GUCY1A2: variants seen among roughly 807,000 people sequenced by gnomAD.
GUCY1A2 encodes guanylate cyclase soluble subunit alpha-2.
In GUCY1A2, 27 loss-of-function variants were observed where a neutral mutation model predicts 63.5. The ratio of observed to expected loss-of-function variants is 0.43; its 90% CI spans 0.31 to 0.59. The LOEUF is 0.59. GUCY1A2 is among the 20% of genes least tolerant of loss of function. The pLI, the probability that GUCY1A2 is intolerant of heterozygous loss-of-function variation, is 0.11. For synonymous variants in GUCY1A2, 364 were observed against 343.5 expected, an observed-to-expected ratio of 1.06 and a Z score of -0.66; for missense variants, 768 against 913.3, an observed-to-expected ratio of 0.84 and a Z score of 2.05.
chr11:106,785,197 C>A (rs940430617), intron 5 of GUCY1A2, among the ~76,000 whole-genome samples: 1 of 152,098 alleles, frequency 6.6e-6, no homozygotes, highest in Non-Finnish European at 1.5e-5. Flanking sequence ...TTTCTAAAGG[C>A]CCCTGAAAGC....
intron 3 of GUCY1A2, among the ~76,000 whole-genome samples, chr11:106,949,753 C>A (rs1470986104): frequency 6.6e-6 from 1 of 152,086 alleles, no homozygotes; most frequent in Non-Finnish European, 1.5e-5. Context: ...AGGAAGGAAA[C>A]CATTCCAGAC....
rs559740427 is a variant in GUCY1A2, at chr11:106,782,638, C to G, written c.1693-6056G>C. On this transcript the variant is annotated intron_variant, in intron 5 of 7. Coordinates refer to ENST00000526355, the MANE Select transcript of GUCY1A2 (RefSeq NM_000855.3). ...GAGGATGGGGCATAGTAGAGGGCTTCTCCAATGGTTGGCCAAGAGTCTGAG... is the reference window on the plus strand; with the variant it reads ...GAGGATGGGGCATAGTAGAGGGCTTGTCCAATGGTTGGCCAAGAGTCTGAG... 3.3e-5 allele frequency among the ~76,000 whole-genome samples: 5 copies of G among 152,300 alleles called. 1 individual carries two copies. The South Asian group carries it at 1.0e-3, about 32-fold the overall frequency.
Position 106,792,598 on chromosome 11 carries a change from T to C in GUCY1A2, c.1693-16016A>G, listed in dbSNP as rs566827725. Among the ~76,000 whole-genome samples the C allele has an allele frequency of 3.3e-5, 5 of 152,146 alleles. No homozygotes were observed. In the South Asian group the frequency reaches 1.0e-3, roughly 32 times the overall value. On this transcript the variant is annotated intron_variant, in intron 5 of 7. Transcript: ENST00000526355. ...TGTTAAAAACTCCCAATAAAATAGG[T>C]ATTGAAGGAACATACCTCAAAATAA... is the stretch of plus-strand genomic sequence containing the variant.
chr11:106,748,790 C>T (rs1371770935), intron 6 of GUCY1A2, among the ~76,000 whole-genome samples: 1 of 150,712 alleles, frequency 6.6e-6, no homozygotes, highest in African/African-American at 2.4e-5. Flanking sequence ...CAATGTTTTC[C>T]AAACCATGGA....
chr11:106,810,946 T>C (rs905600537), intron 4 of GUCY1A2, among the ~76,000 whole-genome samples: 2 of 152,080 alleles, frequency 1.3e-5, no homozygotes, highest in Admixed American at 6.6e-5. Flanking sequence ...ATTGGCCTTA[T>C]GTAAATCATT....
intron 3 of GUCY1A2, among the ~76,000 whole-genome samples, chr11:106,943,061 C>G (rs548447826): frequency 6.6e-6 from 1 of 152,072 alleles, no homozygotes; most frequent in Admixed American, 6.5e-5. Flanking sequence ...TTAAACTGCA[C>G]AAGATCAGAA....
intron 6 of GUCY1A2, among the ~76,000 whole-genome samples, chr11:106,764,767 A>C (rs1246742119): frequency 1.3e-5 from 2 of 152,090 alleles, no homozygotes; most frequent in Non-Finnish European, 2.9e-5. Flanking sequence ...TCAGGTAATA[A>C]AATTCTACTC....
intron 6 of GUCY1A2, among the ~76,000 whole-genome samples, chr11:106,730,575 A>G (rs1863486604): frequency 6.6e-6 from 1 of 152,112 alleles, no homozygotes; most frequent in Non-Finnish European, 1.5e-5. Context: ...TGCAGTGAAC[A>G]TACACATGCA....
At chr11:106,853,321 C>T (rs1859381287) in intron 4 of GUCY1A2, among the ~76,000 whole-genome samples, 1 of 151,952 alleles carries the variant, frequency 6.6e-6, no homozygotes, top group African/African-American at 2.4e-5. Flanking sequence ...TTCTTCACTC[C>T]TTTTATTTTC....
At chr11:106,826,891 C>T (rs1486080012) in intron 4 of GUCY1A2, 1 of 1,607,222 alleles carries the variant, frequency 6.2e-7, no homozygotes, top group East Asian at 2.2e-5. Context: ...ACCATCTTCT[C>T]CTAGATCAAA....
At chr11:106,832,823 T>C (rs1270667095) in intron 4 of GUCY1A2, among the ~76,000 whole-genome samples, 2 of 152,150 alleles carry the variant, frequency 1.3e-5, no homozygotes, top group Non-Finnish European at 1.5e-5. Context: ...AAACATTATA[T>C]ATTTGTTAAA....
At chr11:106,811,536 G>A (rs926981629) in intron 4 of GUCY1A2, among the ~76,000 whole-genome samples, 2 of 151,982 alleles carry the variant, frequency 1.3e-5, no homozygotes, top group African/African-American at 2.4e-5. Flanking sequence ...TTTCTTTATA[G>A]CTAAATAGTT....
chr11:106,992,977 C>T (rs750335629), intron 1 of GUCY1A2, among the ~76,000 whole-genome samples: 13 of 152,112 alleles, frequency 8.5e-5, no homozygotes, highest in Non-Finnish European at 1.9e-4. Context: ...CCTTTCTTTC[C>T]CTCATCAAAA....
chr11:106,794,023 A>AT (rs1481323907), intron 5 of GUCY1A2, among the ~76,000 whole-genome samples: 3 of 152,168 alleles, frequency 2.0e-5, no homozygotes, highest in Non-Finnish European at 2.9e-5. Flanking sequence ...TGAAATCAGG[A>AT]TTTTGAAGAG....
Position 107,007,122 on chromosome 11 carries a change from TAA to T in GUCY1A2, c.303+10629_303+10630del, listed in dbSNP as rs113342719. Among the ~76,000 whole-genome samples, 1,103 of 151,170 alleles carry T rather than the reference TAA, an allele frequency of 7.3e-3. 10 individuals carry two copies. The highest frequency in any genetic ancestry group is 0.026 in the African/African-American group (1,059 of 41,254). ...GTATACCAACTACTCATTGGAACCA[TAA>T]AAAAAAATGCATGAATGATGTAGCT... On this transcript the variant is annotated intron_variant, in intron 1 of 7. Coordinates refer to ENST00000526355, the MANE Select transcript of GUCY1A2 (RefSeq NM_000855.3).
At chr11:106,943,765 T>C (rs1013575138) in intron 3 of GUCY1A2, among the ~76,000 whole-genome samples, 2 of 152,164 alleles carry the variant, frequency 1.3e-5, no homozygotes, top group Non-Finnish European at 2.9e-5. Flanking sequence ...AAAAGACACA[T>C]GACTTTCTCT....
intron 4 of GUCY1A2, among the ~76,000 whole-genome samples, chr11:106,835,421 A>G (rs1859103455): frequency 6.6e-6 from 1 of 151,884 alleles, no homozygotes; most frequent in Admixed American, 6.6e-5. Context: ...ATCAAGTAAT[A>G]TATGATATAG....
chr11:106,915,513 C>CT (rs2119882413), intron 4 of GUCY1A2, among the ~76,000 whole-genome samples: 1 of 109,998 alleles, frequency 9.1e-6, no homozygotes, highest in South Asian at 3.9e-4. Flanking sequence ...AACTGACAGT[C>CT]TATCAGCAGG....
At chr11:106,987,679 G>A (rs1861419954) in intron 1 of GUCY1A2, among the ~76,000 whole-genome samples, 1 of 149,794 alleles carries the variant, frequency 6.7e-6, no homozygotes, top group African/African-American at 2.5e-5. Flanking sequence ...AGACACCAGA[G>A]GTCTATGTCA....
Sources: allele counts gnomAD v4.1 joint callset (sites outside exome capture counted in the v4.1 genomes callset), GRCh38; gene constraint gnomAD v4.1.1; transcripts MANE v1.5; gene names NCBI Gene and HGNC (gene_info 2026-07-23, HGNC 2026-07-21).